The following ALDH3A2 variants were observed in gnomAD, a reference collection of about 807,000 sequenced individuals.
The protein encoded by ALDH3A2 is aldehyde dehydrogenase family 3 member A2.
A neutral mutation model predicts 51.3 loss-of-function variants in ALDH3A2; 36 were observed. The observed-to-expected ratio is 0.70, with a 90% confidence interval of 0.54 to 0.93. The LOEUF (loss-of-function observed/expected upper bound fraction) is 0.93. ALDH3A2 is among the 40% of genes least tolerant of loss of function. ALDH3A2 has a pLI of 0.00. For synonymous variants in ALDH3A2, 199 were observed against 219.8 expected (o/e 0.91, Z 0.84); for missense variants, 552 against 603.1 (o/e 0.92, Z 0.89).
chr17:19,650,975 A>T (rs1322038970), intron 1 of ALDH3A2, among the ~76,000 whole-genome samples: 3 of 152,230 alleles, frequency 2.0e-5, no homozygotes, highest in Non-Finnish European at 4.4e-5. Flanking sequence ...GATTCCAAAA[A>T]GTCTGTGTCA....
intron 8 of ALDH3A2, among the ~76,000 whole-genome samples, chr17:19,670,829 G>A (rs2085103199): frequency 6.6e-6 from 1 of 152,150 alleles, no homozygotes; most frequent in African/African-American, 2.4e-5. Context: ...CCAAAGTGCT[G>A]GGATTACAGG....
chr17:19,652,502 AAG>A (rs1785054820), intron 2 of ALDH3A2, 43 bp from the exon 3 acceptor site: 1 of 1,457,190 alleles, frequency 6.9e-7, no homozygotes, highest in African/African-American at 1.4e-5. Context: ...GTAGCTATTA[AAG>A]TTAAATATTA....
At chr17:19,655,046 C>T (rs542412140) in intron 3 of ALDH3A2, among the ~76,000 whole-genome samples, 8 of 152,252 alleles carry the variant, frequency 5.3e-5, no homozygotes, top group African/African-American at 1.4e-4. Flanking sequence ...TGCCCAACTG[C>T]GGGTAGTTCA....
intron 5 of ALDH3A2, among the ~76,000 whole-genome samples, chr17:19,659,893 A>G (rs1457286737): frequency 6.6e-6 from 1 of 151,960 alleles, no homozygotes; most frequent in Non-Finnish European, 1.5e-5. Flanking sequence ...TCAGGACAAT[A>G]GTTCACTATG....
Position 19,651,541 on chromosome 17 carries a change from T to A in ALDH3A2, c.154-6T>A, listed in dbSNP as rs1267993370. 1 of 1,606,736 alleles carries A rather than the reference T, an allele frequency of 6.2e-7. No homozygotes were observed. The highest frequency in any genetic ancestry group is 8.5e-7 in the Non-Finnish European group (1 of 1,173,296). On this transcript the variant is annotated splice_polypyrimidine_tract_variant and splice_region_variant and intron_variant, in intron 1 of 9. Coordinates refer to ENST00000176643, the MANE Select transcript of ALDH3A2 (RefSeq NM_000382.3). ...TGCAAGATTAACTGTGATTCTCTTA[T>A]AACAGAGTGAATTCAATGTGTACAG...
At chr17:19,653,814 C>T (rs989446338) in intron 3 of ALDH3A2, among the ~76,000 whole-genome samples, 1 of 152,192 alleles carries the variant, frequency 6.6e-6, no homozygotes, top group Non-Finnish European at 1.5e-5. Flanking sequence ...GCTTTTATTC[C>T]CTTATCTGGC....
At position 19,651,746 on chromosome 17, in the gene ALDH3A2, C is replaced by T; in HGVS notation, c.353C>T (p.Thr118Ile). 6.2e-7 allele frequency: 1 copy of T among 1,614,192 alleles called. No homozygotes were observed. The highest frequency in any genetic ancestry group is 8.5e-7 in the Non-Finnish European group (1 of 1,180,030). ...IGAWNYPFVL[T>I]IQPLIGAIAA... ...GCTTGGAATTACCCCTTCGTTCTCACCATTCAGCCACTGATAGGAGCCATC... is the reference window on the plus strand; with the variant it reads ...GCTTGGAATTACCCCTTCGTTCTCATCATTCAGCCACTGATAGGAGCCATC... The change falls in exon 2 of 10, where the codon ACC (threonine) becomes ATC (isoleucine). Residue 118 changes from threonine to isoleucine, a missense_variant. Physicochemically the swap from Thr to Ile is moderately conservative, Grantham distance 89. Coordinates refer to ENST00000176643, the MANE Select transcript of ALDH3A2 (RefSeq NM_000382.3).
chr17:19,658,532 C>T (rs2084926755), intron 5 of ALDH3A2, among the ~76,000 whole-genome samples: 1 of 151,356 alleles, frequency 6.6e-6, no homozygotes, highest in Non-Finnish European at 1.5e-5. Flanking sequence ...CAAGACCAGC[C>T]TGGCCAATAT....
intron 6 of ALDH3A2, among the ~76,000 whole-genome samples, chr17:19,662,372 G>A (rs1013387630): frequency 6.6e-6 from 1 of 152,182 alleles, no homozygotes; most frequent in Non-Finnish European, 1.5e-5. Context: ...CCCTGGAAGT[G>A]GTGCTGCAAG....
At chr17:19,648,599 G>A (rs571225645), upstream of ALDH3A2, 3 of 243,914 alleles carry the variant, frequency 1.2e-5, no homozygotes, top group African/African-American at 2.3e-5. Flanking sequence ...GCCCGTGGCC[G>A]CGCTCGGCTC....
At chr17:19,653,783 C>T (rs533313825) in intron 3 of ALDH3A2, among the ~76,000 whole-genome samples, 59 of 152,278 alleles carry the variant, frequency 3.9e-4, no homozygotes, top group African/African-American at 1.3e-3. Context: ...AGCAGGTTGC[C>T]GCTGCTGGCT....
Position 19,657,836 on chromosome 17 carries a change from G to T in ALDH3A2, c.772G>T (p.Val258Leu). ...LCEASLQNQIVWKIKETVKEF... is the reference protein window; with the variant it reads ...LCEASLQNQILWKIKETVKEF... ...TGAAGCATCCCTCCAAAATCAAATT[G>T]TATGGAAGATTAAGGAAACAGTGAA... The change falls in exon 5 of 10, where the codon GTA becomes TTA. Residue 258 changes from valine (V) to leucine (L), a missense_variant. Val to Leu is a conservative substitution (Grantham distance 32, BLOSUM62 1). Coordinates refer to ENST00000176643, the MANE Select transcript of ALDH3A2 (RefSeq NM_000382.3). 2 of 1,611,764 alleles carry T rather than the reference G, an allele frequency of 1.2e-6. No individual in the cohort carries two copies. The highest frequency in any genetic ancestry group is 1.7e-6 in the Non-Finnish European group (2 of 1,177,888).
intron 8 of ALDH3A2, among the ~76,000 whole-genome samples, chr17:19,666,242 T>G (rs1214369687): frequency 1.3e-5 from 2 of 152,124 alleles, no homozygotes; most frequent in African/African-American, 4.8e-5. Flanking sequence ...CCTGGGATTT[T>G]GGCTGGAGTA....
chr17:19,663,222 T>G, intron 6 of ALDH3A2, 111 bp from the exon 7 acceptor site: 1 of 1,262,776 alleles, frequency 7.9e-7, no homozygotes, highest in Non-Finnish European at 1.1e-6. Flanking sequence ...TAGATATGAC[T>G]TGGGTGGGAG....
chr17:19,657,016 A>G (rs1438339562), intron 4 of ALDH3A2, among the ~76,000 whole-genome samples: 2 of 152,204 alleles, frequency 1.3e-5, no homozygotes, highest in Non-Finnish European at 2.9e-5. Flanking sequence ...ACTGTGAATA[A>G]CATCTTGCAT....
chr17:19,660,323 C>T (rs987331963), intron 5 of ALDH3A2, among the ~76,000 whole-genome samples: 9 of 152,036 alleles, frequency 5.9e-5, no homozygotes, highest in Non-Finnish European at 1.0e-4. Context: ...TGGTGACTCT[C>T]GAGTCAGAGC....
At chr17:19,667,438 T>C (rs962467692) in intron 8 of ALDH3A2, among the ~76,000 whole-genome samples, 1 of 152,248 alleles carries the variant, frequency 6.6e-6, no homozygotes, top group Non-Finnish European at 1.5e-5. Context: ...AAAGGGCTTA[T>C]ACAATTTTCC....
At chr17:19,661,568 T>G (rs1272529638) in intron 6 of ALDH3A2, 5 of 339,688 alleles carry the variant, frequency 1.5e-5, no homozygotes, top group Non-Finnish European at 2.7e-5. Flanking sequence ...ATCTGTAGTT[T>G]GTGGATGGGA....
rs779006813 is a variant in ALDH3A2 at position 19,648,905 on chromosome 17, C to T, written c.-67C>T. On this transcript the variant is annotated 5_prime_UTR_variant, in exon 1 of 10. Transcript: ENST00000176643. ...GGAGGGAAGGGAGGCGAGGCCTGCA[C>T]CTGCATGCTTCCCGCCTCCCACTCC... 442 of 1,530,730 alleles carry T rather than the reference C, an allele frequency of 2.9e-4. No homozygotes were observed. The highest frequency in any genetic ancestry group is 3.8e-4 in the Non-Finnish European group (429 of 1,137,282). 94.8% of individuals were successfully genotyped at this position (1,530,730 alleles called of 1,614,324 possible). A position where few individuals can be genotyped will look rare whatever the true frequency, so the allele number is the denominator to read the frequency against.
Sources: gnomAD v4.1 joint callset for allele counts (sites outside exome capture counted in the v4.1 genomes callset) on GRCh38, gnomAD v4.1.1 for gene constraint, MANE v1.5 for transcripts, NCBI Gene and HGNC (gene_info 2026-07-23, HGNC 2026-07-21) for gene names.